ERBB4: variants seen among roughly 807,000 people sequenced by gnomAD.
ERBB4 encodes receptor tyrosine-protein kinase erbB-4.
Under a neutral mutation model 158.0 loss-of-function variants are expected in ERBB4, and 42 were observed. The ratio of observed to expected loss-of-function variants is 0.27; its 90% confidence interval spans 0.21 to 0.34. The LOEUF (loss-of-function observed/expected upper bound fraction) is 0.34. Ranked by LOEUF, ERBB4 falls within the 10% of genes least tolerant of loss-of-function variation. ERBB4 has a pLI of 1.00. For missense variants in ERBB4, 1,333 were observed against 1,624.1 expected (o/e 0.82, Z 3.08); for synonymous variants, 583 against 558.7 (o/e 1.04, Z -0.61).
intron 2 of ERBB4, among the ~76,000 whole-genome samples, chr2:212,015,106 A>T (rs2076495786): frequency 1.1e-5 from 1 of 87,600 alleles, no homozygotes; most frequent in Non-Finnish European, 2.1e-5. Context: ...ATATATATAT[A>T]TATATAAAAA....
chr2:211,584,821 C>T (rs2068214703), intron 19 of ERBB4, among the ~76,000 whole-genome samples: 1 of 151,264 alleles, frequency 6.6e-6, no homozygotes, highest in Non-Finnish European at 1.5e-5. Flanking sequence ...AAAATATATA[C>T]CATGAAATCC....
At chr2:211,946,683 G>T (rs1458546459) in intron 3 of ERBB4, among the ~76,000 whole-genome samples, 3 of 139,682 alleles carry the variant, frequency 2.1e-5, no homozygotes, top group African/African-American at 5.2e-5. Flanking sequence ...TTGATTACAG[G>T]TATACATGAA....
At chr2:211,575,777 G>C (rs970933032) in intron 19 of ERBB4, among the ~76,000 whole-genome samples, 25 of 152,124 alleles carry the variant, frequency 1.6e-4, no homozygotes, top group African/African-American at 6.0e-4. Flanking sequence ...AGGCAGGACT[G>C]TGTCATTCTG....
chr2:211,723,234 A>G (rs958583630), intron 6 of ERBB4, among the ~76,000 whole-genome samples: 66 of 152,332 alleles, frequency 4.3e-4, no homozygotes, highest in African/African-American at 1.5e-3. Flanking sequence ...CAATTTATTA[A>G]TATTTTCAAA....
chr2:212,312,483 G>A (rs1429914626), intron 1 of ERBB4, among the ~76,000 whole-genome samples: 1 of 150,756 alleles, frequency 6.6e-6, no homozygotes, highest in Non-Finnish European at 1.5e-5. Flanking sequence ...TTAATTTAGT[G>A]CACTAAAATT....
intron 3 of ERBB4, among the ~76,000 whole-genome samples, chr2:211,836,886 G>A (rs1405395924): frequency 1.3e-5 from 2 of 151,954 alleles, no homozygotes; most frequent in Admixed American, 1.3e-4. Context: ...AAGAAATTAT[G>A]TGTAACATAC....
chr2:211,450,223 A>T (rs2064210518), intron 20 of ERBB4, among the ~76,000 whole-genome samples: 1 of 152,136 alleles, frequency 6.6e-6, no homozygotes. Context: ...AACAAGACAG[A>T]GAACTTGATG....
chr2:212,156,859 C>T (rs961484157), intron 1 of ERBB4, among the ~76,000 whole-genome samples: 5 of 151,996 alleles, frequency 3.3e-5, no homozygotes, highest in Non-Finnish European at 7.4e-5. Flanking sequence ...CCCTAATATC[C>T]GTGAAAGTAA....
At chr2:212,049,647 G>T (rs1321181020) in intron 2 of ERBB4, among the ~76,000 whole-genome samples, 1 of 152,188 alleles carries the variant, frequency 6.6e-6, no homozygotes, top group African/African-American at 2.4e-5. Flanking sequence ...AGACACAATT[G>T]TAAGAATACC....
chr2:211,554,882 T>C (rs775332876), intron 20 of ERBB4, among the ~76,000 whole-genome samples: 2 of 152,216 alleles, frequency 1.3e-5, no homozygotes, highest in Non-Finnish European at 2.9e-5. Context: ...TTTTGTCTCA[T>C]ATTAAATTAA....
chr2:212,267,026 C>T (rs78819283), intron 1 of ERBB4, among the ~76,000 whole-genome samples: 3,550 of 151,986 alleles, frequency 0.023, 76 homozygotes, highest in Non-Finnish European at 0.032. Context: ...AGCAGATAAA[C>T]AAATGCCTAA....
intron 1 of ERBB4, among the ~76,000 whole-genome samples, chr2:212,518,169 A>G (rs991568206): frequency 6.6e-6 from 1 of 152,070 alleles, no homozygotes; most frequent in Non-Finnish European, 1.5e-5. Flanking sequence ...AAAACACTAT[A>G]AGCTAATTGA....
Position 211,422,109 on chromosome 2 carries a change from A to G in ERBB4, c.2867-5T>C. 1.3e-6 allele frequency: 2 copies of G among 1,570,542 alleles called. No individual in the cohort carries two copies. Among genetic ancestry groups the G allele is most frequent in the Non-Finnish European group, 1.8e-6 (2 of 1,140,574 alleles). ...TGTCAGCATCAATCATCCAACCTGGAAATTTACACAGTGAAAATGTCACTA... is the reference window on the plus strand; with the variant it reads ...TGTCAGCATCAATCATCCAACCTGGGAATTTACACAGTGAAAATGTCACTA... On this transcript the variant is annotated splice_polypyrimidine_tract_variant and splice_region_variant and intron_variant, in intron 23 of 27. Coordinates refer to ENST00000342788, the MANE Select transcript of ERBB4 (RefSeq NM_005235.3).
At chr2:211,729,109 AAACTT>A (rs1462781603) in intron 5 of ERBB4, among the ~76,000 whole-genome samples, 1 of 151,816 alleles carries the variant, frequency 6.6e-6, no homozygotes. Context: ...GTGTGGAAGA[AAACTT>A]AAAATTTTTG....
intron 19 of ERBB4, among the ~76,000 whole-genome samples, chr2:211,601,969 T>A (rs191473479): frequency 3.5e-4 from 53 of 152,332 alleles, no homozygotes; most frequent in African/African-American, 1.2e-3. Context: ...TCCTCTGTGA[T>A]AAATAAGTGA....
chr2:211,772,922 C>T (rs1376033251), intron 4 of ERBB4, among the ~76,000 whole-genome samples: 751 of 40,048 alleles, frequency 0.019, 55 homozygotes, highest in African/African-American at 0.049. Flanking sequence ...CACACACACA[C>T]ACATATATAT....
At chr2:211,762,630 C>T (rs1205552531) in intron 4 of ERBB4, among the ~76,000 whole-genome samples, 1 of 152,170 alleles carries the variant, frequency 6.6e-6, no homozygotes, top group Non-Finnish European at 1.5e-5. Context: ...GTGAGACATG[C>T]TAATGGGTCC....
Position 212,182,779 on chromosome 2 carries a change from T to C in ERBB4, c.83-57876A>G, listed in dbSNP as rs150132391. On this transcript the variant is annotated intron_variant, in intron 1 of 27. Transcript: ENST00000342788. ...TTGCTTTGTTTGTTTTGTTTTGTTT[T>C]GCTTTGGAGAGTTGCTTAAATGTTC... 6.1e-3 allele frequency among the ~76,000 whole-genome samples: 925 copies of C among 152,000 alleles called. 7 individuals carry two copies. Among genetic ancestry groups the C allele is most frequent in the African/African-American group, 0.021 (860 of 41,536 alleles).
intron 19 of ERBB4, among the ~76,000 whole-genome samples, chr2:211,571,413 G>A (rs991618769): frequency 1.6e-4 from 24 of 152,044 alleles, no homozygotes; most frequent in Admixed American, 1.5e-3. Flanking sequence ...GTAAACAGCA[G>A]GGCATTTTTT....
Sources: allele counts gnomAD v4.1 joint callset (sites outside exome capture counted in the v4.1 genomes callset), GRCh38; gene constraint gnomAD v4.1.1; transcripts MANE v1.5; gene names NCBI Gene and HGNC (gene_info 2026-07-23, HGNC 2026-07-21).